Variants in RNF14 observed in about 807,000 individuals in gnomAD.
The protein encoded by RNF14 is ring finger protein 14.
Under a neutral mutation model 52.6 loss-of-function variants are expected in RNF14, and 26 were observed. The ratio of observed to expected loss-of-function variants is 0.49; its 90% CI spans 0.36 to 0.69. The LOEUF (loss-of-function observed/expected upper bound fraction) is 0.69, where lower values mean the gene tolerates loss of function less well. Among genes scored for constraint, RNF14 ranks in the 30% least tolerant of loss-of-function variants. The probability of loss-of-function intolerance (pLI) is 0.00; values close to 1 mark genes in which losing one functional copy is unlikely to be tolerated. For synonymous variants in RNF14, 194 were observed against 202.0 expected (o/e 0.96, Z 0.34); for missense variants, 404 against 560.4 (o/e 0.72, Z 2.82).
At chr5:141,957,735 T>C, upstream of RNF14, 1 of 1,613,840 alleles carries the variant, frequency 6.2e-7, no homozygotes. The surrounding 1 kb of genome is among the most constrained non-coding windows in gnomAD (Gnocchi z 4.3). Context: ...CAGATGGCAC[T>C]TCCTCTGACA....
chr5:141,951,582 G>A, the RNF14 span: 1 of 1,613,960 alleles, frequency 6.2e-7, no homozygotes, highest in Non-Finnish European at 8.5e-7. Flanking sequence ...ACAGCAGCTG[G>A]GAGATTTGCT....
chr5:141,978,508 G>T lies in RNF14; in HGVS notation c.512G>T (p.Gly171Val), dbSNP rs1754460005. Residue 171 changes from glycine to valine, a missense_variant, in exon 5 of 9, where the codon GGA (glycine) becomes GTA (valine). Gly to Val is a moderately radical substitution (Grantham distance 109, BLOSUM62 -3). Transcript: ENST00000394520. Reference sequence around the variant, plus strand: ...CCCAACACAGAGCTAGATTTTGGAGGAGCTGCTGGATCTGATGTAGACCAA... The same window carrying T: ...CCCAACACAGAGCTAGATTTTGGAGTAGCTGCTGGATCTGATGTAGACCAA... ...ASPNTELDFG[G>V]AAGSDVDQEE... The T allele has an allele frequency of 6.2e-7, 1 of 1,614,052 alleles. No homozygotes were observed. Among genetic ancestry groups the T allele is most frequent in the Admixed American group, 1.7e-5 (1 of 59,998 alleles).
intron 3 of RNF14, 74 bp from the exon 4 acceptor site, chr5:141,974,730 T>G: frequency 7.0e-7 from 1 of 1,422,118 alleles, no homozygotes; most frequent in Non-Finnish European, 9.8e-7. Context: ...AAGTCTTTCT[T>G]GAGCGCTGCT....
upstream of RNF14, chr5:141,956,878 C>G (rs1753193935): frequency 6.2e-7 from 1 of 1,614,220 alleles, no homozygotes; most frequent in Non-Finnish European, 8.5e-7. Flanking sequence ...ACCCAGGTCC[C>G]TTGCCTGAAC....
At chr5:141,983,326 T>G in intron 6 of RNF14, 54 bp from the exon 7 acceptor site, 1 of 1,363,766 alleles carries the variant, frequency 7.3e-7, no homozygotes. Flanking sequence ...TTTAATGATT[T>G]TTGGTCAGCA....
At chr5:141,960,879 AGAAAACTCG>A (rs982100678) in intron 1 of RNF14, among the ~76,000 whole-genome samples, 3 of 152,154 alleles carry the variant, frequency 2.0e-5, no homozygotes, top group Admixed American at 1.3e-4. Context: ...GCTTTGATGC[AGAAAACTCG>A]TTTCCAGAGC....
At position 141,988,244 on chromosome 5, in the gene RNF14, A is replaced by G. The variant is rs1278977484; in HGVS notation, c.*454A>G. On this transcript the variant is annotated 3_prime_UTR_variant, in exon 9 of 9. Transcript: ENST00000394520. ...AAGCCTTATGAAAATTATACTGAGA[A>G]CCTGATCTCGTTTACTCCATGTTAA... 1.9e-5 allele frequency: 3 copies of G among 154,290 alleles called. No homozygotes were observed. Among genetic ancestry groups the G allele is most frequent in the African/African-American group, 7.3e-5 (3 of 41,350 alleles). The allele number at this position is 154,290 out of a possible 1,614,324, so 9.6% of individuals were successfully genotyped here.
Position 141,983,363 on chromosome 5 carries a change from T to C in RNF14, c.1064-17T>C. On this transcript the variant is annotated splice_polypyrimidine_tract_variant and intron_variant, in intron 6 of 8. Transcript: ENST00000394520. ...TACAAAGTTATATAAAAGTTAATTT[T>C]CCATTTCACTTTGTAGAGAAATTAA... 6.2e-7 allele frequency: 1 copy of C among 1,600,766 alleles called. No individual in the cohort carries two copies. Among genetic ancestry groups the C allele is most frequent in the South Asian group, 1.1e-5 (1 of 89,242 alleles).
chr5:141,957,450 C>A (rs146721158), upstream of RNF14: 30 of 1,612,174 alleles, frequency 1.9e-5, no homozygotes, highest in Non-Finnish European at 2.1e-5. The surrounding 1 kb of genome is among the most constrained non-coding windows in gnomAD (Gnocchi z 4.3). Context: ...CTTTGGGAAA[C>A]CGTGGCTGGT....
chr5:141,985,085 C>T (rs890988924), intron 8 of RNF14, 152 bp downstream of exon 8: 34 of 732,412 alleles, frequency 4.6e-5, no homozygotes, highest in Non-Finnish European at 7.3e-5. Flanking sequence ...ATTATTTTCT[C>T]AAAAATGAGT....
intron 3 of RNF14, among the ~76,000 whole-genome samples, chr5:141,973,966 T>C (rs114037047): frequency 2.3e-3 from 343 of 152,346 alleles, no homozygotes; most frequent in African/African-American, 7.7e-3. Flanking sequence ...GCATATTTCA[T>C]ACATCCTGGT....
At chr5:141,985,757 G>A (rs1349791741) in intron 8 of RNF14, among the ~76,000 whole-genome samples, 1 of 152,116 alleles carries the variant, frequency 6.6e-6, no homozygotes, top group East Asian at 1.9e-4. Flanking sequence ...GTTTCACCGT[G>A]TTAGCCAGGA....
chr5:141,957,918 G>T, upstream of RNF14: 11 of 1,536,364 alleles, frequency 7.2e-6, no homozygotes, highest in Non-Finnish European at 8.7e-6. The surrounding 1 kb of genome is among the most constrained non-coding windows in gnomAD (Gnocchi z 4.3). Context: ...AAGTCCTCCA[G>T]TGTTTCCTGG....
At chr5:141,951,044 G>A in the RNF14 span, among the ~76,000 whole-genome samples, 1 of 152,150 alleles carries the variant, frequency 6.6e-6, no homozygotes, top group East Asian at 1.9e-4. Flanking sequence ...AGTTGGATTT[G>A]ATGTTCTCTT....
upstream of RNF14, chr5:141,957,645 C>T (rs1354828549): frequency 1.9e-6 from 3 of 1,614,072 alleles, no homozygotes; most frequent in Non-Finnish European, 2.5e-6. This position sits in a 1 kb window ranked among gnomAD's most constrained non-coding sequence, Gnocchi z 4.3. Flanking sequence ...GAGGCAGCTG[C>T]AACACCTGGA....
At chr5:141,950,914 T>G in the RNF14 span, among the ~76,000 whole-genome samples, 2 of 152,152 alleles carry the variant, frequency 1.3e-5, no homozygotes, top group Non-Finnish European at 2.9e-5. Context: ...GGAAATGGGA[T>G]GGGTTCTGTT....
upstream of RNF14, among the ~76,000 whole-genome samples, chr5:141,964,099 T>G (rs1387558822): frequency 6.6e-6 from 1 of 152,226 alleles, no homozygotes; most frequent in Non-Finnish European, 1.5e-5. Flanking sequence ...AATTTTAGCT[T>G]GCATCAAAAG....
At chr5:141,977,920 T>G (rs577473296) in intron 4 of RNF14, among the ~76,000 whole-genome samples, 1 of 152,378 alleles carries the variant, frequency 6.6e-6, no homozygotes, top group East Asian at 1.9e-4. Context: ...AATAGTTTAT[T>G]TTTAGAACTA....
chr5:141,952,379 T>C, the RNF14 span: 2 of 152,206 alleles, frequency 1.3e-5, no homozygotes, highest in Admixed American at 1.3e-4. Flanking sequence ...CAACAGATGT[T>C]ACTGAGTTCA....
Sources: allele counts gnomAD v4.1 joint callset (sites outside exome capture counted in the v4.1 genomes callset), GRCh38; gene constraint gnomAD v4.1.1; non-coding constraint Gnocchi (gnomAD v3.1); transcripts MANE v1.5; gene names NCBI Gene and HGNC (gene_info 2026-07-23, HGNC 2026-07-21).